DIAPH2: variants seen among roughly 807,000 people sequenced by gnomAD.
The protein encoded by DIAPH2 is protein diaphanous homolog 2.
A neutral mutation model predicts 92.7 loss-of-function variants in DIAPH2; 35 were observed. That is an observed-to-expected ratio of 0.38 (90% CI 0.29 to 0.50). DIAPH2 has a LOEUF of 0.50. Among genes scored for constraint, DIAPH2 ranks in the 20% least tolerant of loss-of-function variants. DIAPH2 has a pLI of 0.94. For synonymous variants in DIAPH2, 301 were observed against 280.4 expected (o/e 1.07, Z -0.73); for missense variants, 701 against 819.5 (o/e 0.86, Z 1.77).
intron 22 of DIAPH2, among the ~76,000 whole-genome samples, chrX:97,169,937 G>A (rs1172183857): frequency 1.8e-5 from 2 of 112,190 alleles, no homozygotes; most frequent in African/African-American, 6.5e-5. Flanking sequence ...TATGGTTTGT[G>A]AGAAAAACAG....
intron 26 of DIAPH2, among the ~76,000 whole-genome samples, chrX:97,557,357 G>A (rs1448067681): frequency 9.0e-6 from 1 of 111,598 alleles, no homozygotes; most frequent in African/African-American, 3.3e-5. Flanking sequence ...TGGCCAACAT[G>A]GTGAAACCCC....
chrX:97,336,167 C>G (rs1187966655), intron 23 of DIAPH2, among the ~76,000 whole-genome samples: 3 of 110,970 alleles, frequency 2.7e-5, no homozygotes, highest in East Asian at 5.6e-4. Context: ...CCCTGTCCCC[C>G]ACAAGTCTAT....
chrX:96,841,884 T>C (rs188470322), intron 4 of DIAPH2, among the ~76,000 whole-genome samples: 2 of 111,118 alleles, frequency 1.8e-5, no homozygotes, highest in African/African-American at 6.5e-5. Flanking sequence ...GGCAGTTTTA[T>C]AGGATTTGGG....
At chrX:97,382,404 A>G (rs1666702770) in intron 24 of DIAPH2, among the ~76,000 whole-genome samples, 1 of 112,123 alleles carries the variant, frequency 8.9e-6, no homozygotes, top group Non-Finnish European at 1.9e-5. Flanking sequence ...CAGCCTAACC[A>G]ACATGGTGAA....
chrX:97,574,095 C>G (rs1324625824), intron 26 of DIAPH2, among the ~76,000 whole-genome samples: 1 of 111,782 alleles, frequency 8.9e-6, no homozygotes, highest in Non-Finnish European at 1.9e-5. Context: ...TGTAAGATAT[C>G]TAAAGAGAGT....
intron 5 of DIAPH2, among the ~76,000 whole-genome samples, chrX:96,891,507 G>T (rs375519717): frequency 2.7e-5 from 3 of 111,912 alleles, no homozygotes; most frequent in African/African-American, 9.7e-5. Flanking sequence ...AGCAGTGCCT[G>T]CTGAGAAATG....
At chrX:96,694,396 A>G (rs1041536151) in intron 1 of DIAPH2, among the ~76,000 whole-genome samples, 4 of 108,819 alleles carry the variant, frequency 3.7e-5, no homozygotes, top group Admixed American at 9.8e-5. Context: ...GCTGGAGTGC[A>G]GTGGCCTGAT....
At position 97,212,465 on chromosome X, in the gene DIAPH2, T is replaced by C. The variant is rs983681436; in HGVS notation, c.2720-35250T>C. 1.5e-4 allele frequency among the ~76,000 whole-genome samples: 17 copies of C among 111,419 alleles called. 1 individual carries two copies. The highest frequency in any genetic ancestry group is 3.0e-4 in the Non-Finnish European group (16 of 53,066). Reference sequence around the variant, plus strand: ...GATTTGCAATGCCTGATTTTGGTTCTACCTTGTTTAAATAGCTTAGTTTAT... The same window carrying C: ...GATTTGCAATGCCTGATTTTGGTTCCACCTTGTTTAAATAGCTTAGTTTAT... On this transcript the variant is annotated intron_variant, in intron 22 of 26. Transcript: ENST00000324765.
At chrX:97,592,170 G>A (rs1347713248) in intron 26 of DIAPH2, among the ~76,000 whole-genome samples, 1 of 111,692 alleles carries the variant, frequency 9.0e-6, no homozygotes, top group Non-Finnish European at 1.9e-5. Context: ...TTAATGCCTT[G>A]AATTAATATT....
chrX:96,731,917 A>G (rs1237839367), intron 1 of DIAPH2, among the ~76,000 whole-genome samples: 1 of 111,941 alleles, frequency 8.9e-6, no homozygotes, highest in African/African-American at 3.2e-5. Context: ...TGTAATGAGC[A>G]TGATCATTAG....
At chrX:97,481,306 C>T (rs1287943569) in intron 26 of DIAPH2, among the ~76,000 whole-genome samples, 1 of 111,399 alleles carries the variant, frequency 9.0e-6, no homozygotes, top group Non-Finnish European at 1.9e-5. Flanking sequence ...TGAGATTAAG[C>T]CAAACTCCAC....
chrX:97,535,956 A>C (rs1164503467), intron 26 of DIAPH2, among the ~76,000 whole-genome samples: 1 of 112,197 alleles, frequency 8.9e-6, no homozygotes, highest in Admixed American at 9.5e-5. Context: ...TTATACAAAC[A>C]ACAGAGAATA....
At chrX:96,989,366 A>G (rs2066053212) in intron 17 of DIAPH2, among the ~76,000 whole-genome samples, 1 of 111,890 alleles carries the variant, frequency 8.9e-6, no homozygotes, top group African/African-American at 3.2e-5. Context: ...GTCCTACAGA[A>G]TGAGTGGAAT....
At chrX:96,802,782 T>G (rs2064593329) in intron 4 of DIAPH2, among the ~76,000 whole-genome samples, 1 of 111,553 alleles carries the variant, frequency 9.0e-6, no homozygotes, top group Non-Finnish European at 1.9e-5. Flanking sequence ...ATAGGCCATC[T>G]GCAAGCTGAG....
At chrX:97,460,814 G>A (rs1243850988) in intron 26 of DIAPH2, among the ~76,000 whole-genome samples, 1 of 111,964 alleles carries the variant, frequency 8.9e-6, no homozygotes, top group African/African-American at 3.2e-5. Flanking sequence ...TTCAGACATG[G>A]TTGAATGGGA....
chrX:96,755,211 A>G (rs1331591681), intron 3 of DIAPH2, among the ~76,000 whole-genome samples: 1 of 111,792 alleles, frequency 8.9e-6, no homozygotes, highest in Admixed American at 9.5e-5. Context: ...CAAAATTTAT[A>G]GGTATTGACT....
At chrX:96,943,205 C>A (rs1482615237) in intron 13 of DIAPH2, among the ~76,000 whole-genome samples, 1 of 111,120 alleles carries the variant, frequency 9.0e-6, no homozygotes, top group African/African-American at 3.3e-5. Context: ...CTTTTAATGT[C>A]TGTATAATAT....
chrX:97,262,092 T>TAAAAAAAA (rs35665297), intron 23 of DIAPH2, among the ~76,000 whole-genome samples: 51 of 60,455 alleles, frequency 8.4e-4, no homozygotes, highest in Middle Eastern at 9.0e-3. Context: ...GATGAGAAAC[T>TAAAAAAAA]AAAAAAAAAA....
At chrX:97,053,551 A>G (rs188171132) in intron 17 of DIAPH2, among the ~76,000 whole-genome samples, 2 of 110,806 alleles carry the variant, frequency 1.8e-5, no homozygotes, top group Non-Finnish European at 1.9e-5. Flanking sequence ...GCCTTTTCTG[A>G]TGTAACTTAG....
Sources: gnomAD v4.1 joint callset for allele counts (sites outside exome capture counted in the v4.1 genomes callset) on GRCh38, gnomAD v4.1.1 for gene constraint, MANE v1.5 for transcripts, NCBI Gene and HGNC (gene_info 2026-07-23, HGNC 2026-07-21) for gene names.